The following TMEFF1 variants were observed in gnomAD, a reference collection of about 807,000 sequenced individuals.
The protein encoded by TMEFF1 is transmembrane protein with EGF like and two follistatin like domains 1.
A neutral mutation model predicts 47.5 loss-of-function variants in TMEFF1; 20 were observed. That is an observed-to-expected ratio of 0.42 (90% CI 0.30 to 0.61). The LOEUF (loss-of-function observed/expected upper bound fraction) is 0.61. TMEFF1 is among the 20% of genes least tolerant of loss of function. The pLI is 0.19. For missense variants in TMEFF1, 411 were observed against 471.1 expected (o/e 0.87, Z 1.18); for synonymous variants, 162 against 166.3 (o/e 0.97, Z 0.20).
intron 1 of TMEFF1, among the ~76,000 whole-genome samples, chr9:100,486,039 CTT>C (rs71498744): frequency 5.7e-5 from 8 of 140,502 alleles, no homozygotes; most frequent in Admixed American, 7.2e-5. Flanking sequence ...TTCTCTCTCT[CTT>C]TTTTTTTTTT....
intron 2 of TMEFF1, among the ~76,000 whole-genome samples, chr9:100,505,410 C>CAAAAA (rs60312984): frequency 8.7e-4 from 23 of 26,450 alleles, no homozygotes; most frequent in African/African-American, 1.2e-3. Flanking sequence ...GACCCTGTCT[C>CAAAAA]AAAAAAAAAA....
chr9:100,515,743 G>A (rs918377156), intron 4 of TMEFF1, among the ~76,000 whole-genome samples: 3 of 151,964 alleles, frequency 2.0e-5, no homozygotes, highest in Non-Finnish European at 4.4e-5. Flanking sequence ...TCTCCAGGCT[G>A]AGATTCATCC....
chr9:100,526,420 G>C (rs1477725917), intron 5 of TMEFF1, among the ~76,000 whole-genome samples: 5 of 151,900 alleles, frequency 3.3e-5, no homozygotes, highest in Admixed American at 2.6e-4. Flanking sequence ...TCCTGGTCTA[G>C]TCTCATTTTA....
At chr9:100,487,064 T>A (rs1236173860) in intron 1 of TMEFF1, among the ~76,000 whole-genome samples, 1 of 152,204 alleles carries the variant, frequency 6.6e-6, no homozygotes, top group African/African-American at 2.4e-5. Context: ...GATTCTTTAT[T>A]GTTCACAAGT....
At chr9:100,504,006 G>A (rs1837812876) in intron 2 of TMEFF1, among the ~76,000 whole-genome samples, 1 of 152,202 alleles carries the variant, frequency 6.6e-6, no homozygotes, top group South Asian at 2.1e-4. Context: ...CTGACACACA[G>A]TAGGTACACA....
At chr9:100,568,993 G>T (rs1839178658) in intron 8 of TMEFF1, among the ~76,000 whole-genome samples, 1 of 152,106 alleles carries the variant, frequency 6.6e-6, no homozygotes, top group African/African-American at 2.4e-5. Flanking sequence ...GAAAATTTAG[G>T]TTCTTTCCAC....
intron 1 of TMEFF1, among the ~76,000 whole-genome samples, chr9:100,487,207 A>T (rs1017994450): frequency 3.9e-5 from 6 of 152,078 alleles, no homozygotes; most frequent in Admixed American, 3.3e-4. Context: ...TCTGTCAGCC[A>T]GGTTGGAGTA....
rs78079684 is a variant in TMEFF1 at position 100,491,748 on chromosome 9, T to C, written c.197-7017T>C. ...AAGAATCTGGTAGTTATTTGGTTAA[T>C]TGAGAAAGTTATTTAAAGTAGGGAG... On this transcript the variant is annotated intron_variant, in intron 1 of 9. Transcript: ENST00000374879. Among the ~76,000 whole-genome samples, 192 of 152,320 alleles carry C rather than the reference T, an allele frequency of 1.3e-3. 1 individual carries two copies. The highest frequency in any genetic ancestry group is 4.1e-3 in the African/African-American group (170 of 41,568).
At chr9:100,523,615 G>A (rs1203492918) in intron 5 of TMEFF1, among the ~76,000 whole-genome samples, 2 of 152,180 alleles carry the variant, frequency 1.3e-5, no homozygotes, top group African/African-American at 4.8e-5. Flanking sequence ...GCTTTATTAG[G>A]TGTTTGTTAA....
intron 5 of TMEFF1, among the ~76,000 whole-genome samples, chr9:100,519,647 CTTTTTTTTTT>C (rs60569330): frequency 1.1e-3 from 70 of 65,168 alleles, no homozygotes; most frequent in South Asian, 2.1e-3. Flanking sequence ...TGCCCAGTGA[CTTTTTTTTTT>C]TTTTTTTTTT....
intron 1 of TMEFF1, among the ~76,000 whole-genome samples, chr9:100,483,851 T>A (rs953156435): frequency 6.6e-6 from 1 of 152,098 alleles, no homozygotes; most frequent in Non-Finnish European, 1.5e-5. Context: ...GAGGGTTAAT[T>A]TATGTTTTAG....
chr9:100,473,437 C>T lies in TMEFF1; in HGVS notation c.-108C>T, dbSNP rs1837157437. Reference sequence around the variant, plus strand: ...GCTGACGGGCTGCTCCCCGGCTCAGCGGCGCGGCTGCTAGGAGGCACCGAG... The same window carrying T: ...GCTGACGGGCTGCTCCCCGGCTCAGTGGCGCGGCTGCTAGGAGGCACCGAG... On this transcript the variant is annotated 5_prime_UTR_variant, in exon 1 of 10. Transcript: ENST00000374879. This position sits in a 1 kb window ranked among gnomAD's most constrained non-coding sequence, Gnocchi z 5.4. 1.2e-5 allele frequency: 10 copies of T among 868,162 alleles called. No individual in the cohort carries two copies. Among genetic ancestry groups the T allele is most frequent in the Non-Finnish European group, 1.1e-5 (7 of 660,846 alleles). The allele number at this position is 868,162 out of a possible 1,614,324, so 53.8% of individuals were successfully genotyped here. A position where few individuals can be genotyped will look rare whatever the true frequency, so the allele number is the denominator to read the frequency against.
intron 7 of TMEFF1, among the ~76,000 whole-genome samples, chr9:100,551,658 G>C (rs1838828840): frequency 6.6e-6 from 1 of 152,072 alleles, no homozygotes; most frequent in Non-Finnish European, 1.5e-5. Context: ...CATAAGAATT[G>C]ATCTCTAATT....
intron 1 of TMEFF1, among the ~76,000 whole-genome samples, chr9:100,488,937 C>G (rs1396144015): frequency 2.0e-5 from 3 of 151,930 alleles, no homozygotes. Context: ...ATGTAAAATT[C>G]AGCATGTTAA....
chr9:100,476,765 C>T (rs1414100635), intron 1 of TMEFF1, among the ~76,000 whole-genome samples: 1 of 146,830 alleles, frequency 6.8e-6, no homozygotes, highest in Non-Finnish European at 1.5e-5. Flanking sequence ...GGGGTGATCT[C>T]TGCTCACAGC....
At chr9:100,518,621 A>G (rs1303196986) in intron 5 of TMEFF1, 2 of 427,044 alleles carry the variant, frequency 4.7e-6, no homozygotes, top group Non-Finnish European at 6.3e-6. Flanking sequence ...TGATTAAGCT[A>G]AAGTGTTTGA....
At chr9:100,486,214 C>T (rs990560136) in intron 1 of TMEFF1, among the ~76,000 whole-genome samples, 5 of 152,094 alleles carry the variant, frequency 3.3e-5, no homozygotes, top group African/African-American at 1.2e-4. Flanking sequence ...CTTCTTTAAT[C>T]TCAGTGTTTA....
At chr9:100,513,038 T>G (rs1388025157) in intron 3 of TMEFF1, among the ~76,000 whole-genome samples, 7 of 152,164 alleles carry the variant, frequency 4.6e-5, no homozygotes, top group African/African-American at 1.4e-4. Flanking sequence ...TTACAGTATT[T>G]ATTGTCTTTA....
chr9:100,522,430 CTTTTT>C (rs869111876), intron 5 of TMEFF1, among the ~76,000 whole-genome samples: 35 of 69,642 alleles, frequency 5.0e-4, no homozygotes, highest in African/African-American at 1.7e-3. Context: ...GAAATATCTT[CTTTTT>C]TTTTTTTTTT....
Sources: gnomAD v4.1 joint callset for allele counts (sites outside exome capture counted in the v4.1 genomes callset) on GRCh38, gnomAD v4.1.1 for gene constraint, Gnocchi (gnomAD v3.1) non-coding constraint, MANE v1.5 for transcripts, NCBI Gene and HGNC (gene_info 2026-07-23, HGNC 2026-07-21) for gene names.